The following PTPRD variants were observed in gnomAD, a reference collection of about 807,000 sequenced individuals.
The protein encoded by PTPRD is receptor-type tyrosine-protein phosphatase delta.
PTPRD carries 34 observed loss-of-function variants against 214.5 expected under a neutral mutation model. That is an observed-to-expected ratio of 0.16 (90% CI 0.12 to 0.21). The LOEUF is 0.21. Among genes scored for constraint, PTPRD ranks in the 10% least tolerant of loss-of-function variants. PTPRD has a pLI of 1.00. For missense variants in PTPRD, 2,545 were observed against 2,398.7 expected, an observed-to-expected ratio of 1.06 and a Z score of -1.27; for synonymous variants, 1,128 against 845.7, an observed-to-expected ratio of 1.33 and a Z score of -5.79.
At chr9:8,541,639 T>C (rs1013853781) in intron 14 of PTPRD, among the ~76,000 whole-genome samples, 3 of 152,256 alleles carry the variant, frequency 2.0e-5, no homozygotes, top group African/African-American at 7.2e-5. Flanking sequence ...AGTGCTGGGA[T>C]TACCAGCATG....
intron 7 of PTPRD, among the ~76,000 whole-genome samples, chr9:9,611,080 C>G (rs2094488415): frequency 2.6e-5 from 4 of 152,102 alleles, no homozygotes; most frequent in African/African-American, 9.7e-5. Context: ...AAACATCGTC[C>G]TCTATCATTT....
intron 2 of PTPRD, among the ~76,000 whole-genome samples, chr9:10,480,341 A>T: frequency 6.6e-6 from 1 of 152,318 alleles, no homozygotes; most frequent in East Asian, 1.9e-4. Context: ...AAAGACCATC[A>T]TATTCCCACC....
intron 5 of PTPRD, among the ~76,000 whole-genome samples, chr9:9,777,327 A>G (rs1363841999): frequency 2.5e-5 from 2 of 79,094 alleles, no homozygotes; most frequent in African/African-American, 7.7e-5. Flanking sequence ...ACATACATGC[A>G]CACACACACA....
At chr9:10,322,904 G>T (rs2096577311) in intron 3 of PTPRD, among the ~76,000 whole-genome samples, 1 of 152,022 alleles carries the variant, frequency 6.6e-6, no homozygotes. Context: ...ACCTAGGGAA[G>T]TGTTCTGAAT....
At chr9:10,268,460 C>T (rs1378248235) in intron 3 of PTPRD, among the ~76,000 whole-genome samples, 1 of 151,946 alleles carries the variant, frequency 6.6e-6, no homozygotes, top group African/African-American at 2.4e-5. Context: ...AATACGATTC[C>T]TTTGACCTCA....
intron 10 of PTPRD, among the ~76,000 whole-genome samples, chr9:9,152,451 A>G (rs1252027722): frequency 6.6e-6 from 1 of 152,208 alleles, no homozygotes; most frequent in African/African-American, 2.4e-5. Context: ...CAAGGGGGAA[A>G]TTATGATGTT....
At chr9:9,803,424 A>G (rs535404865) in intron 5 of PTPRD, among the ~76,000 whole-genome samples, 2 of 152,042 alleles carry the variant, frequency 1.3e-5, no homozygotes, top group Admixed American at 6.6e-5. Flanking sequence ...ATTCAGAAAT[A>G]ATTATTTATT....
At chr9:8,978,352 C>T (rs767440699) in intron 11 of PTPRD, among the ~76,000 whole-genome samples, 25 of 152,092 alleles carry the variant, frequency 1.6e-4, no homozygotes, top group Non-Finnish European at 3.4e-4. Context: ...AGTACAAATG[C>T]TCTGCACTAA....
At chr9:8,903,895 C>T (rs1322690202) in intron 11 of PTPRD, among the ~76,000 whole-genome samples, 1 of 152,112 alleles carries the variant, frequency 6.6e-6, no homozygotes, top group Admixed American at 6.6e-5. Flanking sequence ...TTATATCCCT[C>T]CAATTTATTT....
chr9:9,856,041 G>C (rs2061491966), intron 5 of PTPRD, among the ~76,000 whole-genome samples: 1 of 152,208 alleles, frequency 6.6e-6, no homozygotes, highest in South Asian at 2.1e-4. Context: ...AAATGCAGGG[G>C]ATTTTATTGC....
At chr9:9,621,554 G>T (rs540021889) in intron 7 of PTPRD, among the ~76,000 whole-genome samples, 2 of 152,322 alleles carry the variant, frequency 1.3e-5, no homozygotes, top group Non-Finnish European at 2.9e-5. Flanking sequence ...TGGATGTGAT[G>T]TGGATGCTCA....
chr9:8,534,805 C>A (rs1380174735), intron 14 of PTPRD, among the ~76,000 whole-genome samples: 1 of 151,698 alleles, frequency 6.6e-6, no homozygotes, highest in Non-Finnish European at 1.5e-5. Flanking sequence ...ACACATTGGT[C>A]TTAAGGTGGT....
intron 3 of PTPRD, among the ~76,000 whole-genome samples, chr9:10,187,624 C>G (rs1335375919): frequency 6.6e-6 from 1 of 152,216 alleles, no homozygotes; most frequent in Non-Finnish European, 1.5e-5. Flanking sequence ...GTACATCGCT[C>G]TCCAATACTG....
intron 12 of PTPRD, among the ~76,000 whole-genome samples, chr9:8,724,768 TA>T (rs112711921): frequency 1.6e-3 from 228 of 142,606 alleles, no homozygotes; most frequent in Middle Eastern, 3.6e-3. Context: ...ACCCCATCTC[TA>T]AAAAAAAAAA....
chr9:8,665,598 T>C (rs1324628221), intron 12 of PTPRD, among the ~76,000 whole-genome samples: 3 of 152,036 alleles, frequency 2.0e-5, no homozygotes, highest in Non-Finnish European at 4.4e-5. Context: ...TAATCCAGAG[T>C]TGTGATGTTA....
intron 12 of PTPRD, among the ~76,000 whole-genome samples, chr9:8,724,862 C>T (rs1267640661): frequency 6.6e-6 from 1 of 152,042 alleles, no homozygotes; most frequent in African/African-American, 2.4e-5. Flanking sequence ...CACCCGAGCC[C>T]AGGAGGCAGA....
At chr9:8,464,485 C>A (rs964230846) in intron 32 of PTPRD, among the ~76,000 whole-genome samples, 2 of 151,892 alleles carry the variant, frequency 1.3e-5, no homozygotes, top group African/African-American at 4.8e-5. Context: ...CGGGGGAATT[C>A]TTTCAGTCAC....
intron 44 of PTPRD, among the ~76,000 whole-genome samples, chr9:8,325,116 C>T (rs11560463): frequency 0.064 from 8,684 of 135,530 alleles, 807 homozygotes; most frequent in South Asian, 0.18. Flanking sequence ...ATCCCATTTG[C>T]CACTTTTGGC....
chr9:9,256,041 T>A (rs2099977564), intron 9 of PTPRD, among the ~76,000 whole-genome samples: 1 of 152,012 alleles, frequency 6.6e-6, no homozygotes, highest in Non-Finnish European at 1.5e-5. Context: ...TTATTGAACT[T>A]TAGAATAGCA....
Sources: allele counts gnomAD v4.1 joint callset (sites outside exome capture counted in the v4.1 genomes callset), GRCh38; gene constraint gnomAD v4.1.1; transcripts MANE v1.5; gene names NCBI Gene and HGNC (gene_info 2026-07-23, HGNC 2026-07-21).